Variants in WWC2 observed in about 807,000 individuals in gnomAD.
The protein encoded by WWC2 is WW and C2 domain containing 2, also known as protein WWC2.
A neutral mutation model predicts 138.5 loss-of-function variants in WWC2; 101 were observed. That is an observed-to-expected ratio of 0.73 (90% CI 0.62 to 0.86). WWC2 has a LOEUF of 0.86. Ranked by LOEUF, WWC2 falls within the 40% of genes least tolerant of loss-of-function variation. The pLI is 0.00. For missense variants in WWC2, 1,420 were observed against 1,419.4 expected (o/e 1.00, Z -0.01); for synonymous variants, 558 against 538.4 (o/e 1.04, Z -0.50).
chr4:183,207,899 A>C, intron 2 of WWC2, 54 bp from the exon 3 acceptor site: 1 of 1,490,184 alleles, frequency 6.7e-7, no homozygotes, highest in South Asian at 1.4e-5. Context: ...AAGCTTAAAC[A>C]AGCCGGAAAA....
At position 183,221,226 on chromosome 4, in the gene WWC2, ATCAGT is replaced by A. The variant is rs536961970; in HGVS notation, c.522+12205_522+12209del. Among the ~76,000 whole-genome samples, 17 of 152,368 alleles carry A rather than the reference ATCAGT, an allele frequency of 1.1e-4. 1 individual carries two copies. The East Asian group carries it at 3.3e-3, about 29-fold the overall frequency. On this transcript the variant is annotated intron_variant, in intron 4 of 22. Coordinates refer to ENST00000403733, the MANE Select transcript of WWC2 (RefSeq NM_024949.6). Reference sequence around the variant, plus strand: ...CTAGAGATTTTATAATCATAAATAGATCAGTTCATCAAAGGACATAAGAATCTTAA... The same window carrying A: ...CTAGAGATTTTATAATCATAAATAGATCATCAAAGGACATAAGAATCTTAA...
intron 2 of WWC2, among the ~76,000 whole-genome samples, chr4:183,204,506 G>A (rs889717456): frequency 6.6e-6 from 1 of 152,116 alleles, no homozygotes; most frequent in African/African-American, 2.4e-5. Flanking sequence ...AGCTGGTAGT[G>A]GCAAAGGATT....
chr4:183,291,616 G>A (rs1303065192), intron 21 of WWC2, among the ~76,000 whole-genome samples: 1 of 152,116 alleles, frequency 6.6e-6, no homozygotes, highest in African/African-American at 2.4e-5. Flanking sequence ...ACAGAACTTT[G>A]TGTCTTTGGT....
Position 183,312,864 on chromosome 4 carries a change from T to C in WWC2, c.3512+396T>C, listed in dbSNP as rs191440331. The stretch of plus-strand genomic sequence containing the variant: ...CTCTGAGATGTGGAGGCTAAGAACA[T>C]GTGCATTCGTTCTGCTCTTCTGGGG... On this transcript the variant is annotated intron_variant, in intron 22 of 22. Coordinates refer to ENST00000403733, the MANE Select transcript of WWC2 (RefSeq NM_024949.6). Among the ~76,000 whole-genome samples, 240 of 152,312 alleles carry C rather than the reference T, an allele frequency of 1.6e-3. 1 individual carries two copies. Among genetic ancestry groups the C allele is most frequent in the Non-Finnish European group, 2.6e-3 (180 of 68,030 alleles).
At chr4:183,156,987 T>C (rs1400430900) in intron 1 of WWC2, among the ~76,000 whole-genome samples, 5 of 152,172 alleles carry the variant, frequency 3.3e-5, no homozygotes, top group Admixed American at 2.6e-4. Flanking sequence ...GCAGATATGA[T>C]ACCCTTTACC....
intron 22 of WWC2, among the ~76,000 whole-genome samples, chr4:183,313,993 C>G (rs1390083569): frequency 6.6e-6 from 1 of 151,700 alleles, no homozygotes; most frequent in Non-Finnish European, 1.5e-5. Flanking sequence ...GGGGAGAAGC[C>G]CAGAAGAAGC....
chr4:183,167,243 T>C (rs916697113), intron 1 of WWC2, among the ~76,000 whole-genome samples: 1 of 152,172 alleles, frequency 6.6e-6, no homozygotes, highest in African/African-American at 2.4e-5. Context: ...ACCTAGGAAA[T>C]AATTCATCCC....
chr4:183,298,240 C>T (rs1738704411), intron 21 of WWC2, among the ~76,000 whole-genome samples: 1 of 152,196 alleles, frequency 6.6e-6, no homozygotes, highest in Non-Finnish European at 1.5e-5. Flanking sequence ...CATGCCATAG[C>T]TATTGTTTTT....
At chr4:183,293,697 A>G (rs1738537429) in intron 21 of WWC2, among the ~76,000 whole-genome samples, 1 of 152,230 alleles carries the variant, frequency 6.6e-6, no homozygotes, top group Non-Finnish European at 1.5e-5. Flanking sequence ...TGCATTAAAA[A>G]ATTTGTAAGT....
chr4:183,287,030 G>A (rs1738282434), intron 20 of WWC2, among the ~76,000 whole-genome samples: 1 of 152,174 alleles, frequency 6.6e-6, no homozygotes, highest in Non-Finnish European at 1.5e-5. Flanking sequence ...CATGAGGAGT[G>A]TCAGGTTCTG....
At chr4:183,211,323 A>T (rs777235380) in intron 4 of WWC2, among the ~76,000 whole-genome samples, 25 of 152,334 alleles carry the variant, frequency 1.6e-4, no homozygotes, top group Admixed American at 1.5e-3. Context: ...TATTAAAATT[A>T]AAAAAAGTTT....
chr4:183,229,194 T>G (rs1358366672), intron 4 of WWC2, among the ~76,000 whole-genome samples: 1 of 152,112 alleles, frequency 6.6e-6, no homozygotes, highest in East Asian at 1.9e-4. Flanking sequence ...AAAGTTTTTT[T>G]ACTTTCAGTG....
chr4:183,154,002 C>CAAAA (rs35002790), intron 1 of WWC2, among the ~76,000 whole-genome samples: 5 of 71,648 alleles, frequency 7.0e-5, no homozygotes, highest in Admixed American at 2.1e-4. Flanking sequence ...CTTTAAAAAG[C>CAAAA]AAAAAAAAAA....
chr4:183,210,430 TTAAA>T (rs1463657054), intron 4 of WWC2, among the ~76,000 whole-genome samples: 1 of 152,046 alleles, frequency 6.6e-6, no homozygotes, highest in African/African-American at 2.4e-5. Flanking sequence ...GTTAAATAAG[TTAAA>T]TAAGTAGATT....
intron 21 of WWC2, among the ~76,000 whole-genome samples, chr4:183,300,922 C>T (rs1276963282): frequency 6.6e-6 from 1 of 152,048 alleles, no homozygotes; most frequent in Non-Finnish European, 1.5e-5. Flanking sequence ...GTGGCAAAGA[C>T]GGAACAGGAT....
chr4:183,219,083 CCAGACA>C (rs1452972211), intron 4 of WWC2, among the ~76,000 whole-genome samples: 2 of 151,984 alleles, frequency 1.3e-5, no homozygotes, highest in Admixed American at 1.3e-4. Flanking sequence ...GTGAAATAAG[CCAGACA>C]CAAAAGAACA....
chr4:183,118,152 G>A (rs1732484697), intron 1 of WWC2, among the ~76,000 whole-genome samples: 1 of 152,100 alleles, frequency 6.6e-6, no homozygotes, highest in South Asian at 2.1e-4. Context: ...AGTCTTAGAG[G>A]AAAAATAGTT....
chr4:183,271,661 G>A (rs1475245449), intron 16 of WWC2, among the ~76,000 whole-genome samples: 1 of 152,178 alleles, frequency 6.6e-6, no homozygotes, highest in Admixed American at 6.5e-5. Context: ...AAAACAGTGT[G>A]TTAGCTTTTC....
At chr4:183,212,174 A>G (rs1357651324) in intron 4 of WWC2, among the ~76,000 whole-genome samples, 1 of 152,184 alleles carries the variant, frequency 6.6e-6, no homozygotes, top group Non-Finnish European at 1.5e-5. Flanking sequence ...AATGTCCTCA[A>G]ATAGATGTAT....
Sources: gnomAD v4.1 joint callset for allele counts (sites outside exome capture counted in the v4.1 genomes callset) on GRCh38, gnomAD v4.1.1 for gene constraint, MANE v1.5 for transcripts, NCBI Gene and HGNC (gene_info 2026-07-23, HGNC 2026-07-21) for gene names.